Variants in CFAP70 observed in about 807,000 individuals in gnomAD.
CFAP70 encodes the protein cilia and flagella associated protein 70, also known as cilia- and flagella-associated protein 70.
CFAP70 carries 81 observed loss-of-function variants against 137.6 expected under a neutral mutation model. The ratio of observed to expected loss-of-function variants is 0.59; its 90% CI spans 0.49 to 0.71. The LOEUF (loss-of-function observed/expected upper bound fraction) is 0.71. CFAP70 is among the 30% of genes least tolerant of loss of function. The probability of loss-of-function intolerance (pLI) is 0.00; values close to 1 mark genes in which losing one functional copy is unlikely to be tolerated. For synonymous variants in CFAP70, 382 were observed against 423.6 expected (o/e 0.90, Z 1.20); for missense variants, 976 against 1,226.7 (o/e 0.80, Z 3.05).
chr10:73,268,191 T>C (rs2045942127), intron 25 of CFAP70, among the ~76,000 whole-genome samples: 1 of 152,238 alleles, frequency 6.6e-6, no homozygotes, highest in Non-Finnish European at 1.5e-5. Flanking sequence ...TCTTTAGAAT[T>C]CTACCTAGCA....
intron 9 of CFAP70, among the ~76,000 whole-genome samples, chr10:73,322,159 ATATT>A (rs2050921147): frequency 6.6e-6 from 1 of 152,178 alleles, no homozygotes; most frequent in Non-Finnish European, 1.5e-5. Flanking sequence ...TAAACCATAC[ATATT>A]TAAAGTATAT....
intron 25 of CFAP70, among the ~76,000 whole-genome samples, chr10:73,259,840 G>A (rs1039951936): frequency 6.6e-6 from 1 of 152,082 alleles, no homozygotes; most frequent in African/African-American, 2.4e-5. Flanking sequence ...AGACCAGCCT[G>A]GGCAACATGG....
chr10:73,298,892 A>T lies in CFAP70; in HGVS notation c.1512+15T>A, dbSNP rs780389538. On this transcript the variant is annotated intron_variant, in intron 14 of 26. Transcript: ENST00000310715. Reference sequence around the variant, plus strand: ...ATAAACACCCATGGAGTAATTAAACAAGTGAATGTTTTACCTTGAGTTGTT... The same window carrying T: ...ATAAACACCCATGGAGTAATTAAACTAGTGAATGTTTTACCTTGAGTTGTT... 7.4e-6 allele frequency: 12 copies of T among 1,612,196 alleles called. No homozygotes were observed. The highest frequency in any genetic ancestry group is 1.7e-5 in the Admixed American group (1 of 59,820).
At chr10:73,348,432 A>G (rs764848611) in exon 4 of CFAP70, 15 of 1,599,492 alleles carry the variant, frequency 9.4e-6, no homozygotes, top group African/African-American at 1.3e-5. Context: ...CCTTCCAGTA[A>G]GGGAAGAAGG....
At chr10:73,323,227 G>T in intron 8 of CFAP70, 130 bp from the exon 10 acceptor site, 1 of 763,428 alleles carries the variant, frequency 1.3e-6, no homozygotes. Flanking sequence ...ATGTGACTTT[G>T]GGCCAGTTAC....
chr10:73,361,183 G>A (rs1033664561), upstream of CFAP70, among the ~76,000 whole-genome samples: 14 of 151,786 alleles, frequency 9.2e-5, no homozygotes, highest in Admixed American at 9.2e-4. Flanking sequence ...ATTTTTAGTA[G>A]AGACAGGGCC....
At chr10:73,287,116 G>A (rs1347697644) in intron 19 of CFAP70, among the ~76,000 whole-genome samples, 1 of 152,142 alleles carries the variant, frequency 6.6e-6, no homozygotes, top group Non-Finnish European at 1.5e-5. Context: ...GCCAGTTTAT[G>A]GCCAGATTTG....
intron 25 of CFAP70, among the ~76,000 whole-genome samples, chr10:73,265,127 C>T (rs554294816): frequency 2.0e-5 from 3 of 152,122 alleles, no homozygotes; most frequent in African/African-American, 7.2e-5. Flanking sequence ...AGATCGAGAC[C>T]ATCCTGGCTA....
chr10:73,344,726 A>T (rs1361628018), intron 5 of CFAP70, among the ~76,000 whole-genome samples: 3 of 152,224 alleles, frequency 2.0e-5, no homozygotes, highest in Non-Finnish European at 2.9e-5. Context: ...TGGAATTAAG[A>T]GAAAGTTTTG....
At chr10:73,299,711 T>C in intron 12 of CFAP70, 46 bp from the exon 14 acceptor site, 1 of 1,445,542 alleles carries the variant, frequency 6.9e-7, no homozygotes, top group Middle Eastern at 1.9e-4. Context: ...AAAAATTTAT[T>C]ATCTACAGAT....
intron 3 of CFAP70, among the ~76,000 whole-genome samples, chr10:73,349,597 C>T (rs1169450910): frequency 6.6e-6 from 1 of 152,104 alleles, no homozygotes; most frequent in Non-Finnish European, 1.5e-5. Context: ...TCTAGATCCC[C>T]CTATATTGCC....
At chr10:73,297,817 A>T (rs568012971) in intron 14 of CFAP70, among the ~76,000 whole-genome samples, 21 of 152,316 alleles carry the variant, frequency 1.4e-4, no homozygotes, top group African/African-American at 5.1e-4. Flanking sequence ...TTTAATTCTC[A>T]TATGACCTTA....
chr10:73,341,532 T>C (rs1490565747), exon 6 of CFAP70: 1 of 1,614,172 alleles, frequency 6.2e-7, no homozygotes, highest in African/African-American at 1.3e-5. Flanking sequence ...AGGTTCCCTT[T>C]CCCCTCCAAG....
At chr10:73,285,279 T>C (rs1169524588) in intron 19 of CFAP70, among the ~76,000 whole-genome samples, 6 of 152,138 alleles carry the variant, frequency 3.9e-5, no homozygotes, top group African/African-American at 1.2e-4. Context: ...ACAGAGTAGA[T>C]AGGCTATGTA....
At position 73,341,391 on chromosome 10, in the gene CFAP70, G is replaced by T; in HGVS notation, c.582+8C>A. 1 of 1,597,584 alleles carries T rather than the reference G, an allele frequency of 6.3e-7. No homozygotes were observed. The highest frequency in any genetic ancestry group is 1.1e-5 in the South Asian group (1 of 89,072). On this transcript the variant is annotated splice_region_variant and intron_variant, in intron 6 of 26. Transcript: ENST00000310715. Reference sequence around the variant, plus strand: ...TTTATCACAAAAACCTGTATATCAGGCTCTCACCTCAGGATGGTTGAGTTC... The same window carrying T: ...TTTATCACAAAAACCTGTATATCAGTCTCTCACCTCAGGATGGTTGAGTTC...
At chr10:73,343,330 TCAGACC>T (rs771281192) in intron 5 of CFAP70, among the ~76,000 whole-genome samples, 9 of 152,092 alleles carry the variant, frequency 5.9e-5, no homozygotes, top group Non-Finnish European at 1.3e-4. Context: ...CCAGGAAATG[TCAGACC>T]CAGACACTAT....
At chr10:73,257,781 A>C (rs1384072169) in intron 25 of CFAP70, among the ~76,000 whole-genome samples, 2 of 152,200 alleles carry the variant, frequency 1.3e-5, no homozygotes, top group African/African-American at 4.8e-5. Flanking sequence ...AGGATCCAGA[A>C]TAGCCAAAAC....
chr10:73,317,970 C>G (rs750867286), intron 9 of CFAP70, among the ~76,000 whole-genome samples: 1 of 152,062 alleles, frequency 6.6e-6, no homozygotes, highest in Non-Finnish European at 1.5e-5. Flanking sequence ...AATCTGGCAC[C>G]GCTCTCCTCT....
At chr10:73,305,193 T>C (rs2049282645) in intron 12 of CFAP70, among the ~76,000 whole-genome samples, 1 of 152,206 alleles carries the variant, frequency 6.6e-6, no homozygotes, top group South Asian at 2.1e-4. Flanking sequence ...CTGTTTCTCC[T>C]AACTCAGTGC....
Sources: allele counts gnomAD v4.1 joint callset (sites outside exome capture counted in the v4.1 genomes callset), GRCh38; gene constraint gnomAD v4.1.1; transcripts MANE v1.5; gene names NCBI Gene and HGNC (gene_info 2026-07-23, HGNC 2026-07-21).